Variants in DNAJC5 observed in about 807,000 individuals in gnomAD.
DNAJC5 encodes the protein dnaJ homolog subfamily C member 5.
A neutral mutation model predicts 23.2 loss-of-function variants in DNAJC5; 1 was observed. That is an observed-to-expected ratio of 0.04 (90% CI 0.02 to 0.20). The LOEUF (loss-of-function observed/expected upper bound fraction) is 0.20, where lower values mean the gene tolerates loss of function less well. Ranked by LOEUF, DNAJC5 falls within the 10% of genes least tolerant of loss-of-function variation. The probability of loss-of-function intolerance (pLI) is 1.00; values close to 1 mark genes in which losing one functional copy is unlikely to be tolerated. For synonymous variants in DNAJC5, 136 were observed against 120.0 expected (o/e 1.13, Z -0.87); for missense variants, 180 against 267.0 (o/e 0.67, Z 2.27).
chr20:63,897,675 C>T (rs1000431326), intron 1 of DNAJC5, among the ~76,000 whole-genome samples: 4 of 152,178 alleles, frequency 2.6e-5, no homozygotes, highest in African/African-American at 7.2e-5. Flanking sequence ...CCTTATACTC[C>T]GTCGTGACAT....
In DNAJC5 at chr20:63,930,977, G is replaced by A. The variant is rs146719477; in HGVS notation, c.448G>A (p.Val150Met). The change falls in exon 4 of 5, where the codon GTG becomes ATG. Residue 150 changes from valine to methionine, a missense_variant. Physicochemically the swap from Val to Met is conservative, Grantham distance 21. Coordinates refer to ENST00000360864, the MANE Select transcript of DNAJC5 (RefSeq NM_025219.3). ...TGAAGGCGAGGAGACGGAGTTCTAC[G>A]TGTCCCCCGAGGATCTGGAGGCACA... ...APEGEETEFY[V>M]SPEDLEAQLQ... 3.1e-6 allele frequency: 5 copies of A among 1,613,966 alleles called. No homozygotes were observed. Among genetic ancestry groups the A allele is most frequent in the South Asian group, 1.1e-5 (1 of 91,088 alleles).
At chr20:63,923,194 A>C (rs1478802390) in intron 1 of DNAJC5, among the ~76,000 whole-genome samples, 3 of 150,240 alleles carry the variant, frequency 2.0e-5, no homozygotes, top group Non-Finnish European at 4.4e-5. Flanking sequence ...AGTGGCTTGC[A>C]CCTATAATCC....
At position 63,931,176 on chromosome 20, in the gene DNAJC5, C is replaced by T; in HGVS notation, c.493+154C>T. The T allele has an allele frequency of 1.1e-6, 1 of 895,804 alleles. No individual in the cohort carries two copies. The highest frequency in any genetic ancestry group is 1.8e-6 in the Non-Finnish European group (1 of 562,438). The allele number at this position is 895,804 out of a possible 1,614,324, so 55.5% of individuals were successfully genotyped here. A position where few individuals can be genotyped will look rare whatever the true frequency, so the allele number is the denominator to read the frequency against. On this transcript the variant is annotated intron_variant, in intron 4 of 4. Coordinates refer to ENST00000360864, the MANE Select transcript of DNAJC5 (RefSeq NM_025219.3). This position sits in a 1 kb window ranked among gnomAD's most constrained non-coding sequence, Gnocchi z 9.6. Reference sequence around the variant, plus strand: ...GGGACTGTTGAGGTGTGAACGTGGACCCTGAGGTAAAGCAGGCGCATAGAG... The same window carrying T: ...GGGACTGTTGAGGTGTGAACGTGGATCCTGAGGTAAAGCAGGCGCATAGAG...
At position 63,928,408 on chromosome 20, in the gene DNAJC5, G is replaced by A; in HGVS notation, c.63G>A (p.Gly21=). 1 of 1,614,030 alleles carries A rather than the reference G, an allele frequency of 6.2e-7. No individual in the cohort carries two copies. The highest frequency in any genetic ancestry group is 2.2e-5 in the East Asian group (1 of 44,886). Residue 21 remains glycine, a synonymous_variant, in exon 2 of 5, where the codon GGG becomes GGA. Coordinates refer to ENST00000360864, the MANE Select transcript of DNAJC5 (RefSeq NM_025219.3). This position sits in a 1 kb window ranked among gnomAD's most constrained non-coding sequence, Gnocchi z 4.6. ...TSGESLYHVL[G]LDKNATSDDI... ...GGGAGTCATTGTACCACGTCCTTGG[G>A]TTGGACAAGAACGCAACCTCAGATG...
intron 1 of DNAJC5, among the ~76,000 whole-genome samples, chr20:63,923,571 A>T (rs1365833808): frequency 6.6e-6 from 1 of 152,116 alleles, no homozygotes; most frequent in Non-Finnish European, 1.5e-5. Context: ...TAAAAATTTT[A>T]AAAAATAGCT....
At chr20:63,911,161 G>A (rs908424230) in intron 1 of DNAJC5, among the ~76,000 whole-genome samples, 1 of 152,168 alleles carries the variant, frequency 6.6e-6, no homozygotes, top group Non-Finnish European at 1.5e-5. Context: ...TAGGACCTGG[G>A]GCAGTAGATG....
chr20:63,902,004 C>CG (rs1426745648), intron 1 of DNAJC5, among the ~76,000 whole-genome samples: 1 of 151,830 alleles, frequency 6.6e-6, no homozygotes, highest in Non-Finnish European at 1.5e-5. Context: ...TTTTGCCAGT[C>CG]GCAATAAATT....
At position 63,920,431 on chromosome 20, in the gene DNAJC5, CG is replaced by C. The variant is rs1456085493; in HGVS notation, c.-11-7903del. ...TCCGCCAACGTCTGGTGGGGATGCC[CG>C]CCATGCGGGGGCCTCAGGCTACAGC... is the stretch of plus-strand genomic sequence containing the variant. On this transcript the variant is annotated intron_variant, in intron 1 of 4. Transcript: ENST00000360864. This position sits in a 1 kb window ranked among gnomAD's most constrained non-coding sequence, Gnocchi z 4.6. 7.4e-6 allele frequency among the ~76,000 whole-genome samples: 1 copy of C among 135,696 alleles called. No individual in the cohort carries two copies. The highest frequency in any genetic ancestry group is 1.5e-5 in the Non-Finnish European group (1 of 65,830). The allele number at this position is 135,696 out of a possible 152,430, so 89.0% of individuals were successfully genotyped here.
At chr20:63,911,699 G>T (rs1407232922) in intron 1 of DNAJC5, among the ~76,000 whole-genome samples, 2 of 151,744 alleles carry the variant, frequency 1.3e-5, no homozygotes, top group African/African-American at 2.4e-5. Flanking sequence ...TTTGAGACAG[G>T]GTCTTGCTCT....
At chr20:63,917,004 C>T (rs563903400) in intron 1 of DNAJC5, among the ~76,000 whole-genome samples, 50 of 152,250 alleles carry the variant, frequency 3.3e-4, no homozygotes, top group African/African-American at 1.0e-3. Context: ...TTCAAACGCA[C>T]GTTTTACAGT....
At chr20:63,910,432 A>C (rs1461470610) in intron 1 of DNAJC5, among the ~76,000 whole-genome samples, 1 of 151,538 alleles carries the variant, frequency 6.6e-6, no homozygotes, top group Non-Finnish European at 1.5e-5. Flanking sequence ...AGTCCCAGCT[A>C]CTCGGGAGGC....
intron 1 of DNAJC5, among the ~76,000 whole-genome samples, chr20:63,903,347 C>G (rs1204058770): frequency 6.6e-6 from 1 of 152,158 alleles, no homozygotes; most frequent in Non-Finnish European, 1.5e-5. Context: ...GAGTCTCTGT[C>G]ACCAGACTGG....
At chr20:63,922,662 CA>C (rs2053582369) in intron 1 of DNAJC5, among the ~76,000 whole-genome samples, 1 of 151,876 alleles carries the variant, frequency 6.6e-6, no homozygotes, top group Non-Finnish European at 1.5e-5. Context: ...CCCACCTATT[CA>C]GGAGGCTGTG....
At chr20:63,918,145 G>A in intron 1 of DNAJC5, among the ~76,000 whole-genome samples, 1 of 152,226 alleles carries the variant, frequency 6.6e-6, no homozygotes, top group Non-Finnish European at 1.5e-5. Flanking sequence ...TCACAGAATA[G>A]AATGTGACCA....
intron 1 of DNAJC5, among the ~76,000 whole-genome samples, chr20:63,904,907 G>A (rs1376964659): frequency 6.6e-6 from 1 of 151,794 alleles, no homozygotes; most frequent in Non-Finnish European, 1.5e-5. Flanking sequence ...GGGTTCAAGC[G>A]ATTCTCCTGC....
At chr20:63,895,410 G>A in intron 1 of DNAJC5, 87 bp downstream of exon 1, 1 of 147,312 alleles carries the variant, frequency 6.8e-6, no homozygotes, top group South Asian at 1.8e-4. Flanking sequence ...GGGCGGGGGC[G>A]GCACTCCAGA....
chr20:63,910,237 TTGCACCATCGAAAG>T (rs2053474040), intron 1 of DNAJC5, among the ~76,000 whole-genome samples: 1 of 152,230 alleles, frequency 6.6e-6, no homozygotes, highest in African/African-American at 2.4e-5. Context: ...TGTCTGCTGT[TTGCACCATCGAAAG>T]TGATGTGCGC....
In DNAJC5 at chr20:63,931,652, G is replaced by A; in HGVS notation, c.*84G>A. On this transcript the variant is annotated 3_prime_UTR_variant, in exon 5 of 5. Coordinates refer to ENST00000360864, the MANE Select transcript of DNAJC5 (RefSeq NM_025219.3). This position sits in a 1 kb window ranked among gnomAD's most constrained non-coding sequence, Gnocchi z 9.6. ...TCATGAACTGTAGTCACAGAGATGG[G>A]AAGGCAGCCTCCTGCCTGCCCTGGC... 2 of 1,389,006 alleles carry A rather than the reference G, an allele frequency of 1.4e-6. No individual in the cohort carries two copies. The highest frequency in any genetic ancestry group is 2.0e-6 in the Non-Finnish European group (2 of 1,012,654). 86.0% of individuals were successfully genotyped at this position (1,389,006 alleles called of 1,614,324 possible).
intron 1 of DNAJC5, among the ~76,000 whole-genome samples, chr20:63,927,138 G>T (rs941268950): frequency 2.0e-5 from 3 of 152,184 alleles, no homozygotes; most frequent in African/African-American, 7.2e-5. Flanking sequence ...ACAGCATTCA[G>T]TTAAAAACAA....
Sources: allele counts gnomAD v4.1 joint callset (sites outside exome capture counted in the v4.1 genomes callset), GRCh38; gene constraint gnomAD v4.1.1; non-coding constraint Gnocchi (gnomAD v3.1); transcripts MANE v1.5; gene names NCBI Gene and HGNC (gene_info 2026-07-23, HGNC 2026-07-21).